The following CDC45 variants were observed in gnomAD, a reference collection of about 807,000 sequenced individuals.
CDC45 encodes the protein cell division control protein 45 homolog.
In CDC45, 54 loss-of-function variants were observed where a neutral mutation model predicts 77.8. The ratio of observed to expected loss-of-function variants is 0.69; its 90% CI spans 0.56 to 0.87. CDC45 has a LOEUF of 0.87. Ranked by LOEUF, CDC45 falls within the 40% of genes least tolerant of loss-of-function variation. The pLI is 0.00. For synonymous variants in CDC45, 260 were observed against 272.1 expected (o/e 0.96, Z 0.44); for missense variants, 649 against 721.6 (o/e 0.90, Z 1.15).
chr22:19,507,720 G>C (rs1213405285), intron 11 of CDC45, 46 bp from the exon 12 acceptor site: 1 of 1,459,128 alleles, frequency 6.9e-7, no homozygotes, highest in African/African-American at 1.4e-5. Context: ...CCACCCTGTC[G>C]GTGTGTGGTG....
chr22:19,483,596 T>C (rs975686452), intron 4 of CDC45, among the ~76,000 whole-genome samples: 1 of 152,168 alleles, frequency 6.6e-6, no homozygotes, highest in East Asian at 1.9e-4. Context: ...GTTTCCAGAC[T>C]TAAGTAGACT....
intron 5 of CDC45, among the ~76,000 whole-genome samples, chr22:19,488,612 G>T (rs2090109327): frequency 6.6e-6 from 1 of 152,180 alleles, no homozygotes; most frequent in Admixed American, 6.5e-5. Flanking sequence ...CATTGTGGCA[G>T]GGTCAAAGAA....
Position 19,482,980 on chromosome 22 carries a change from T to C in CDC45, c.342+153T>C, listed in dbSNP as rs560749204. Among the ~76,000 whole-genome samples, 33 of 152,128 alleles carry C rather than the reference T, an allele frequency of 2.2e-4. No individual in the cohort carries two copies. The East Asian group carries it at 4.9e-3, about 22-fold the overall frequency. On this transcript the variant is annotated intron_variant, in intron 4 of 18. Coordinates refer to ENST00000263201, the MANE Select transcript of CDC45 (RefSeq NM_003504.5). ...CTTGGTCTTTGTCATCTTTTTTTTT[T>C]TTTTTTAAGGAGAGTCTGGAGTACA...
At chr22:19,487,629 A>G (rs1028321101) in intron 5 of CDC45, among the ~76,000 whole-genome samples, 2 of 152,186 alleles carry the variant, frequency 1.3e-5, no homozygotes, top group African/African-American at 4.8e-5. Context: ...GAGTTCTGCT[A>G]TAGGCCGGGC....
chr22:19,518,397 T>A (rs1448947027), intron 17 of CDC45, among the ~76,000 whole-genome samples: 1 of 152,168 alleles, frequency 6.6e-6, no homozygotes, highest in African/African-American at 2.4e-5. Flanking sequence ...CTGAGGGCCC[T>A]GTGAGATATG....
At chr22:19,484,988 G>A (rs1219583801) in intron 5 of CDC45, among the ~76,000 whole-genome samples, 1 of 151,688 alleles carries the variant, frequency 6.6e-6, no homozygotes, top group African/African-American at 2.4e-5. Flanking sequence ...TCCCAGGCTG[G>A]CCTCAAACTT....
chr22:19,497,713 C>T lies in CDC45; in HGVS notation c.653+266C>T, dbSNP rs1294112864. 2.0e-5 allele frequency among the ~76,000 whole-genome samples: 3 copies of T among 152,294 alleles called. No homozygotes were observed. The East Asian group carries it at 5.8e-4, about 29-fold the overall frequency. On this transcript the variant is annotated intron_variant, in intron 8 of 18. Coordinates refer to ENST00000263201, the MANE Select transcript of CDC45 (RefSeq NM_003504.5). ...CTTCACCTTCCCCACTCCTGCTGCTCAGCCTGTACTCAGTAAAGTCAAGTG... is the reference window on the plus strand; with the variant it reads ...CTTCACCTTCCCCACTCCTGCTGCTTAGCCTGTACTCAGTAAAGTCAAGTG...
chr22:19,488,457 A>T (rs2090106640), intron 5 of CDC45, among the ~76,000 whole-genome samples: 1 of 152,178 alleles, frequency 6.6e-6, no homozygotes, highest in Non-Finnish European at 1.5e-5. Context: ...CTCTCCATTG[A>T]ATGTGACTTC....
chr22:19,479,627 G>A (rs1433307332), upstream of CDC45: 4 of 646,104 alleles, frequency 6.2e-6, no homozygotes, highest in African/African-American at 5.4e-5. Context: ...AGGGTTCCCA[G>A]TGGGAGGCAG....
intron 13 of CDC45, among the ~76,000 whole-genome samples, chr22:19,513,243 T>G (rs1933610748): frequency 6.6e-6 from 1 of 152,206 alleles, no homozygotes; most frequent in Non-Finnish European, 1.5e-5. Flanking sequence ...TTTCTGAAAT[T>G]TGTGCTTTTA....
At chr22:19,506,672 C>T (rs984965168) in intron 10 of CDC45, among the ~76,000 whole-genome samples, 3 of 152,148 alleles carry the variant, frequency 2.0e-5, no homozygotes, top group South Asian at 2.1e-4. Flanking sequence ...CTGTGGCTCA[C>T]GCCTGTAATC....
rs189327074 is a variant in CDC45 at position 19,509,190 on chromosome 22, C to T, written c.1217+499C>T. 1.4e-4 allele frequency among the ~76,000 whole-genome samples: 22 copies of T among 152,198 alleles called. No homozygotes were observed. The East Asian group carries it at 3.5e-3, about 24-fold the overall frequency. ...CATCAGAGAAAAATATCTCCAAATACACTGAATTTATTTGGGAATTAGAAA... is the reference window on the plus strand; with the variant it reads ...CATCAGAGAAAAATATCTCCAAATATACTGAATTTATTTGGGAATTAGAAA... On this transcript the variant is annotated intron_variant, in intron 13 of 18. Coordinates refer to ENST00000263201, the MANE Select transcript of CDC45 (RefSeq NM_003504.5).
At chr22:19,492,355 T>C (rs2090166316) in intron 5 of CDC45, among the ~76,000 whole-genome samples, 2 of 152,120 alleles carry the variant, frequency 1.3e-5, no homozygotes, top group Admixed American at 6.5e-5. Context: ...TCGAGCCTAT[T>C]TGCTGAGTTA....
rs1601951850 is a variant in CDC45, at chr22:19,499,023, A to G, written c.654-78A>G. ...AGAGTGCTGAGCTTGGGCCCGTTCC[A>G]TCATCTCACTCCATCCCCCAGGCCT... On this transcript the variant is annotated intron_variant, in intron 8 of 18. Coordinates refer to ENST00000263201, the MANE Select transcript of CDC45 (RefSeq NM_003504.5). The G allele has an allele frequency of 6.1e-6, 9 of 1,480,416 alleles. No homozygotes were observed. The East Asian group carries it at 1.8e-4, about 30-fold the overall frequency. The allele number at this position is 1,480,416 out of a possible 1,614,324, so 91.7% of individuals were successfully genotyped here.
At chr22:19,517,877 G>A (rs576481323) in intron 17 of CDC45, among the ~76,000 whole-genome samples, 26 of 152,314 alleles carry the variant, frequency 1.7e-4, no homozygotes, top group East Asian at 5.8e-4. Context: ...GGGGGAGACC[G>A]TTCAGCTCAT....
In CDC45 at chr22:19,499,293, A is replaced by G. The variant is rs9606037; in HGVS notation, c.704+142A>G. ...GGACTGGCCCTCCTCCTTGGGCCCA[A>G]GCATTTGTCACTGAGGAAGGGCTAA... On this transcript the variant is annotated intron_variant, in intron 9 of 18. Coordinates refer to ENST00000263201, the MANE Select transcript of CDC45 (RefSeq NM_003504.5). The G allele has an allele frequency of 0.051, 40,520 of 799,856 alleles. 1,622 individuals carry two copies. Among genetic ancestry groups the G allele is most frequent in the South Asian group, 0.13 (8,294 of 63,740 alleles). The allele number at this position is 799,856 out of a possible 1,614,324, so 49.5% of individuals were successfully genotyped here.
chr22:19,494,737 T>G, intron 6 of CDC45: 1 of 750,948 alleles, frequency 1.3e-6, no homozygotes, highest in South Asian at 1.7e-5. Context: ...TATTCTAGCT[T>G]GAAGTGAGCA....
rs1218177873 is a variant in CDC45, at chr22:19,514,968, A to G, written c.1360A>G (p.Thr454Ala). Reference protein sequence around the residue: ...PFLYCSLMEGTPDVMLFSRPA... With the variant: ...PFLYCSLMEGAPDVMLFSRPA... Reference sequence around the variant, plus strand: ...ACCATCTGTCTCGCCTCCGCAGGGCACTCCAGATGTCATGCTGTTCTCTAG... The same window carrying G: ...ACCATCTGTCTCGCCTCCGCAGGGCGCTCCAGATGTCATGCTGTTCTCTAG... Residue 454 changes from threonine to alanine, a missense_variant, in exon 15 of 19, where the codon ACT (threonine) becomes GCT (alanine). Physicochemically the swap from Thr to Ala is moderately conservative, Grantham distance 58 (BLOSUM62 0). Transcript: ENST00000263201. 4 of 1,613,932 alleles carry G rather than the reference A, an allele frequency of 2.5e-6. No individual in the cohort carries two copies. Among genetic ancestry groups the G allele is most frequent in the Non-Finnish European group, 3.4e-6 (4 of 1,180,016 alleles).
chr22:19,506,941 A>G (rs1315751440), intron 10 of CDC45, among the ~76,000 whole-genome samples: 1 of 151,894 alleles, frequency 6.6e-6, no homozygotes, highest in East Asian at 1.9e-4. Context: ...CTCAAAAAAA[A>G]AAAACGAAAA....
Sources: gnomAD v4.1 joint callset for allele counts (sites outside exome capture counted in the v4.1 genomes callset) on GRCh38, gnomAD v4.1.1 for gene constraint, MANE v1.5 for transcripts, NCBI Gene and HGNC (gene_info 2026-07-23, HGNC 2026-07-21) for gene names.